The following P4HA1 variants were observed in gnomAD, a reference collection of about 807,000 sequenced individuals.
P4HA1 encodes prolyl 4-hydroxylase subunit alpha-1.
P4HA1 carries 24 observed loss-of-function variants against 72.8 expected under a neutral mutation model. The ratio of observed to expected loss-of-function variants is 0.33; its 90% CI spans 0.24 to 0.46. The LOEUF (loss-of-function observed/expected upper bound fraction) is 0.46. P4HA1 is among the 20% of genes least tolerant of loss of function. The pLI is 1.00. For missense variants in P4HA1, 446 were observed against 640.6 expected (o/e 0.70, Z 3.28); for synonymous variants, 201 against 218.8 (o/e 0.92, Z 0.72).
chr10:73,058,870 C>T (rs768338392), intron 5 of P4HA1, among the ~76,000 whole-genome samples: 20 of 151,400 alleles, frequency 1.3e-4, no homozygotes, highest in Non-Finnish European at 2.1e-4. Flanking sequence ...CGTGCCCCGC[C>T]GGGTTCAAGA....
intron 9 of P4HA1, among the ~76,000 whole-genome samples, chr10:73,041,403 C>CGT (rs1840729797): frequency 6.6e-6 from 1 of 151,916 alleles, no homozygotes; most frequent in Non-Finnish European, 1.5e-5. Context: ...ATTAGCCGGG[C>CGT]AGCAGCGGGC....
At chr10:73,045,587 T>C (rs1840837351) in intron 8 of P4HA1, among the ~76,000 whole-genome samples, 2 of 152,128 alleles carry the variant, frequency 1.3e-5, no homozygotes, top group African/African-American at 4.8e-5. Context: ...AATCTTGGAC[T>C]GAGAACAAAG....
chr10:73,087,830 GA>G (rs759175890), intron 1 of P4HA1, among the ~76,000 whole-genome samples: 1 of 152,046 alleles, frequency 6.6e-6, no homozygotes, highest in African/African-American at 2.4e-5. Flanking sequence ...TCAGATATGT[GA>G]TGGGGAATAT....
chr10:73,072,347 C>T (rs1841583799), intron 3 of P4HA1, among the ~76,000 whole-genome samples, 167 bp from the exon 4 acceptor site: 1 of 152,132 alleles, frequency 6.6e-6, no homozygotes, highest in Non-Finnish European at 1.5e-5. Context: ...AAAGCGACAT[C>T]CTCTTGGCAG....
At chr10:73,056,386 C>CTAG (rs1254700121) in intron 5 of P4HA1, among the ~76,000 whole-genome samples, 1 of 151,754 alleles carries the variant, frequency 6.6e-6, no homozygotes, top group Non-Finnish European at 1.5e-5. Flanking sequence ...AATCCCAGCA[C>CTAG]TTTGGGAGGC....
At position 73,026,378 on chromosome 10, in the gene P4HA1, G is replaced by A. The variant is rs570922636; in HGVS notation, c.1248+3893C>T. 3.5e-4 allele frequency among the ~76,000 whole-genome samples: 54 copies of A among 152,236 alleles called. No homozygotes were observed. In the South Asian group the frequency reaches 5.0e-3, roughly 14 times the overall value. On this transcript the variant is annotated intron_variant, in intron 10 of 14. Coordinates refer to ENST00000394890, the MANE Select transcript of P4HA1 (RefSeq NM_001017962.3). The stretch of plus-strand genomic sequence containing the variant: ...GGAAAGGATTCCCTATTTAATAAAC[G>A]GTGCTGGGAAAACTGGCTAGCCATA...
In P4HA1 at chr10:73,007,539, T is replaced by C. The variant is rs1202596756; in HGVS notation, c.*683A>G. ...AAAACAGGCTAAGTGGTGAGCATTTTAGTTAAGAAGGCCCAGTGTTGTTAT... is the reference window on the plus strand; with the variant it reads ...AAAACAGGCTAAGTGGTGAGCATTTCAGTTAAGAAGGCCCAGTGTTGTTAT... On this transcript the variant is annotated 3_prime_UTR_variant, in exon 15 of 15. Transcript: ENST00000394890. 6.6e-6 allele frequency: 1 copy of C among 151,884 alleles called. No individual in the cohort carries two copies. The highest frequency in any genetic ancestry group is 1.5e-5 in the Non-Finnish European group (1 of 67,978). The allele number at this position is 151,884 out of a possible 1,614,324, so 9.4% of individuals were successfully genotyped here.
intron 1 of P4HA1, among the ~76,000 whole-genome samples, chr10:73,087,146 T>C (rs752897422): frequency 2.7e-5 from 4 of 150,652 alleles, no homozygotes; most frequent in Admixed American, 6.6e-5. Flanking sequence ...TACCAGCATT[T>C]TGTATTGCCG....
intron 1 of P4HA1, among the ~76,000 whole-genome samples, chr10:73,075,162 C>T (rs985870898): frequency 2.0e-5 from 3 of 152,040 alleles, no homozygotes; most frequent in African/African-American, 7.2e-5. Context: ...GGCTGGAGTG[C>T]CATGGTGTGA....
chr10:73,089,254 T>A (rs1317546735), intron 1 of P4HA1, among the ~76,000 whole-genome samples: 1 of 152,218 alleles, frequency 6.6e-6, no homozygotes, highest in Non-Finnish European at 1.5e-5. Context: ...TGTTCATTAT[T>A]AGTATATAGA....
intron 9 of P4HA1, among the ~76,000 whole-genome samples, chr10:73,034,157 G>A (rs1335758687): frequency 6.6e-6 from 1 of 152,018 alleles, no homozygotes; most frequent in East Asian, 1.9e-4. Flanking sequence ...AAGGATGCAG[G>A]GAGCTACAAT....
rs80293824 is a variant in P4HA1 at position 73,045,350 on chromosome 10, C to G, written c.1078-299G>C. Among the ~76,000 whole-genome samples the G allele has an allele frequency of 2.6e-5, 4 of 151,210 alleles. No homozygotes were observed. In the East Asian group the frequency reaches 7.8e-4, roughly 29 times the overall value. ...ATGACAGTAAGAAAAAGAGACATAT[C>G]TAAAATTTGAAGTCTAATTTACAGT... On this transcript the variant is annotated intron_variant, in intron 8 of 14. Coordinates refer to ENST00000394890, the MANE Select transcript of P4HA1 (RefSeq NM_001017962.3).
intron 12 of P4HA1, among the ~76,000 whole-genome samples, chr10:73,011,458 G>T (rs1839907792): frequency 6.6e-6 from 1 of 152,058 alleles, no homozygotes; most frequent in African/African-American, 2.4e-5. Flanking sequence ...TAGAACAATA[G>T]TACCTCAAGA....
intron 9 of P4HA1, among the ~76,000 whole-genome samples, chr10:73,040,750 G>A (rs773303597): frequency 2.0e-5 from 3 of 152,096 alleles, no homozygotes; most frequent in Non-Finnish European, 4.4e-5. Flanking sequence ...GGGATTACAG[G>A]CGTGAGCCAC....
At chr10:73,030,956 G>A (rs1840419970) in intron 9 of P4HA1, among the ~76,000 whole-genome samples, 1 of 152,140 alleles carries the variant, frequency 6.6e-6, no homozygotes, top group Non-Finnish European at 1.5e-5. Flanking sequence ...AAACAGTTTG[G>A]TAGTTGCTCA....
At chr10:73,019,737 A>AAAAAAAG (rs1840091636) in intron 10 of P4HA1, among the ~76,000 whole-genome samples, 1 of 149,848 alleles carries the variant, frequency 6.7e-6, no homozygotes, top group African/African-American at 2.4e-5. Flanking sequence ...TCAGAAAAAA[A>AAAAAAAG]AAAAAAAAAA....
At position 73,074,840 on chromosome 10, in the gene P4HA1, G is replaced by T; in HGVS notation, c.44C>A (p.Ser15Tyr). 1 of 1,576,190 alleles carries T rather than the reference G, an allele frequency of 6.3e-7. No homozygotes were observed. The highest frequency in any genetic ancestry group is 8.7e-7 in the Non-Finnish European group (1 of 1,146,204). The stretch of plus-strand genomic sequence containing the variant: ...AGTAAAAAAGCCTGGATGAGCCAAA[G>T]ACTGGGGAAGCAGAATTCCTATAAT... Reference protein sequence around the residue: ...ILIIGILLPQSLAHPGFFTSI... With the variant: ...ILIIGILLPQYLAHPGFFTSI... The change falls in exon 2 of 15, where the codon TCT (serine) becomes TAT (tyrosine). Residue 15 changes from serine (S) to tyrosine (Y), a missense_variant. Ser to Tyr is a moderately radical substitution (Grantham distance 144, BLOSUM62 -2). Transcript: ENST00000394890.
intron 1 of P4HA1, among the ~76,000 whole-genome samples, chr10:73,092,198 G>A (rs1369685450): frequency 2.0e-5 from 3 of 152,152 alleles, no homozygotes; most frequent in African/African-American, 7.2e-5. Flanking sequence ...TCCATTCAGT[G>A]CTACAGATTT....
chr10:73,089,896 G>T (rs1342093536), intron 1 of P4HA1, among the ~76,000 whole-genome samples: 1 of 152,206 alleles, frequency 6.6e-6, no homozygotes, highest in Non-Finnish European at 1.5e-5. Context: ...GAGTGCAGTA[G>T]CGTGATCTTG....
Sources: gnomAD v4.1 joint callset for allele counts (sites outside exome capture counted in the v4.1 genomes callset) on GRCh38, gnomAD v4.1.1 for gene constraint, MANE v1.5 for transcripts, NCBI Gene and HGNC (gene_info 2026-07-23, HGNC 2026-07-21) for gene names.